The following PLCE1 variants were observed in gnomAD, a reference collection of about 807,000 sequenced individuals.
PLCE1 encodes 1-phosphatidylinositol 4,5-bisphosphate phosphodiesterase epsilon-1.
Under a neutral mutation model 242.8 loss-of-function variants are expected in PLCE1, and 119 were observed. The observed-to-expected ratio is 0.49, with a 90% CI of 0.42 to 0.57. The LOEUF (loss-of-function observed/expected upper bound fraction) is 0.57, where lower values mean the gene tolerates loss of function less well. PLCE1 is among the 20% of genes least tolerant of loss of function. The pLI, the probability that PLCE1 is intolerant of heterozygous loss-of-function variation, is 0.00. For missense variants in PLCE1, 2,441 were observed against 2,788.8 expected (o/e 0.88, Z 2.81); for synonymous variants, 945 against 1,017.4 (o/e 0.93, Z 1.35).
intron 1 of PLCE1, among the ~76,000 whole-genome samples, chr10:94,008,760 G>T (rs1216798599): frequency 6.6e-6 from 1 of 152,212 alleles, no homozygotes; most frequent in Non-Finnish European, 1.5e-5. Flanking sequence ...CAGCCAGGAG[G>T]TAACAAGCCA....
At chr10:94,309,492 A>G (rs2053314107) in intron 27 of PLCE1, among the ~76,000 whole-genome samples, 2 of 152,042 alleles carry the variant, frequency 1.3e-5, no homozygotes, top group South Asian at 4.2e-4. Context: ...CACTATGCCC[A>G]GATAATGTTT....
rs1216315721 is a variant in PLCE1 at position 94,325,007 on chromosome 10, A to G, written c.6836A>G (p.Glu2279Gly). 1 of 1,614,218 alleles carries G rather than the reference A, an allele frequency of 6.2e-7. No individual in the cohort carries two copies. Among genetic ancestry groups the G allele is most frequent in the South Asian group, 1.1e-5 (1 of 91,082 alleles). Residue 2279 changes from glutamate to glycine, a missense_variant, in exon 32 of 33, where the codon GAA becomes GGA. Coordinates refer to ENST00000371380, the MANE Select transcript of PLCE1 (RefSeq NM_016341.4). Reference protein sequence around the residue: ...LTSPSQLLTSESIQTKEEKPV... With the variant: ...LTSPSQLLTSGSIQTKEEKPV... ...TCACCTTCTCAGCTCTTGACCTCAG[A>G]AAGTATCCAAACCAAGGAGGAGAAA... is the stretch of plus-strand genomic sequence containing the variant.
chr10:94,313,373 T>A lies in PLCE1; in HGVS notation c.6123T>A (p.Leu2041=). 1.2e-6 allele frequency: 2 copies of A among 1,614,148 alleles called. No homozygotes were observed. Among genetic ancestry groups the A allele is most frequent in the Non-Finnish European group, 1.7e-6 (2 of 1,179,994 alleles). ...ATGGAGGCACCAAGGCAAAGCAGCT[T>A]CTGCAGCAAGTAAGTCCACTGAGCC... ...TINGGTKAKQ[L]LQQILTNEQD... Residue 2041 remains leucine (L), a synonymous_variant, in exon 28 of 33, where the codon CTT becomes CTA. Transcript: ENST00000371380.
intron 2 of PLCE1, chr10:94,107,713 T>C (rs773951812): frequency 6.6e-6 from 1 of 152,190 alleles, no homozygotes; most frequent in South Asian, 2.1e-4. Context: ...ACATTCACAT[T>C]GAGGTCAAGG....
chr10:94,107,683 A>T (rs998998936), intron 2 of PLCE1: 1 of 152,012 alleles, frequency 6.6e-6, no homozygotes, highest in Non-Finnish European at 1.5e-5. Flanking sequence ...AATTGGAGTT[A>T]GGATGCTTGG....
At chr10:94,137,011 T>C (rs879327626) in intron 3 of PLCE1, among the ~76,000 whole-genome samples, 1 of 152,122 alleles carries the variant, frequency 6.6e-6, no homozygotes, top group Non-Finnish European at 1.5e-5. Flanking sequence ...GCTAACATGG[T>C]GAAACCCCGT....
At chr10:94,161,343 G>C (rs1185592317) in intron 3 of PLCE1, among the ~76,000 whole-genome samples, 2 of 152,108 alleles carry the variant, frequency 1.3e-5, no homozygotes, top group Non-Finnish European at 1.5e-5. Flanking sequence ...ACTGAGCAGT[G>C]GTTTGTAGTG....
At position 94,262,552 on chromosome 10, in the gene PLCE1, A is replaced by G. The variant is rs748295092; in HGVS notation, c.3873A>G (p.Leu1291=). 13 of 1,614,028 alleles carry G rather than the reference A, an allele frequency of 8.1e-6. No homozygotes were observed. The African/African-American group carries it at 1.3e-4, about 17-fold the overall frequency. The change falls in exon 14 of 33, where the codon CTA becomes CTG. Residue 1291 remains leucine, a synonymous_variant. Transcript: ENST00000371380. ...LGLFIKSKQQ[L]SDNQRQISDA... ...TGTTCATTAAGAGTAAACAGCAGCT[A>G]TCGGACAACCAGAGGCAGATATCTG...
At chr10:94,171,812 C>T (rs1367550827) in intron 4 of PLCE1, among the ~76,000 whole-genome samples, 1 of 152,132 alleles carries the variant, frequency 6.6e-6, no homozygotes, top group Admixed American at 6.5e-5. Context: ...ACCAACCCCT[C>T]ATTCCCAAAG....
At chr10:94,054,684 A>G (rs998205125) in intron 2 of PLCE1, among the ~76,000 whole-genome samples, 4 of 152,214 alleles carry the variant, frequency 2.6e-5, no homozygotes, top group African/African-American at 9.6e-5. Flanking sequence ...GGACAGATAC[A>G]AAGTAATCAC....
intron 4 of PLCE1, among the ~76,000 whole-genome samples, chr10:94,189,304 AG>A (rs1320161757): frequency 1.1e-4 from 17 of 148,398 alleles, no homozygotes; most frequent in Admixed American, 2.7e-4. Flanking sequence ...TATAATATAT[AG>A]TACACATACA....
At chr10:94,321,719 C>T (rs1334044616) in intron 29 of PLCE1, among the ~76,000 whole-genome samples, 182 bp from the exon 30 acceptor site, 1 of 151,868 alleles carries the variant, frequency 6.6e-6, no homozygotes, top group Admixed American at 6.6e-5. Flanking sequence ...CAGTAGTTTC[C>T]TCCTCTCAGG....
chr10:94,223,916 A>T (rs1353288820), intron 4 of PLCE1, among the ~76,000 whole-genome samples: 1 of 152,188 alleles, frequency 6.6e-6, no homozygotes, highest in African/African-American at 2.4e-5. Flanking sequence ...AGTAAATGTG[A>T]CCACCTTTTA....
chr10:94,255,114 A>G, intron 11 of PLCE1, 65 bp downstream of exon 11: 1 of 1,541,464 alleles, frequency 6.5e-7, no homozygotes. Context: ...GGAAGGGCAT[A>G]TCTTTACAGT....
At chr10:94,106,698 T>C (rs373132921) in intron 2 of PLCE1, among the ~76,000 whole-genome samples, 44 of 152,290 alleles carry the variant, frequency 2.9e-4, no homozygotes, top group African/African-American at 1.0e-3. Context: ...GTCTTGCAGT[T>C]TGCCATGATT....
chr10:94,319,864 C>CTTTTTTTTT lies in PLCE1; in HGVS notation c.6343-2022_6343-2014dup, dbSNP rs58610099. ...GCTCTGAGGGAGGCTCAAAGGTGCT[C>CTTTTTTTTT]TTTTTTTTTTTTTTTTTTTTTTTGA... On this transcript the variant is annotated intron_variant, in intron 29 of 32. Transcript: ENST00000371380. Among the ~76,000 whole-genome samples the CTTTTTTTTT allele has an allele frequency of 9.4e-4, 87 of 92,926 alleles. 4 individuals are homozygous for CTTTTTTTTT. The highest frequency in any genetic ancestry group is 1.1e-3 in the Non-Finnish European group (52 of 46,370). The allele number at this position is 92,926 out of a possible 152,430, so 61.0% of individuals were successfully genotyped here.
intron 2 of PLCE1, among the ~76,000 whole-genome samples, chr10:94,070,592 A>T (rs2044322792): frequency 6.6e-6 from 1 of 152,156 alleles, no homozygotes; most frequent in South Asian, 2.1e-4. Flanking sequence ...TTGTTCAGTT[A>T]CTGGGTCAAT....
intron 1 of PLCE1, among the ~76,000 whole-genome samples, chr10:93,997,790 A>G (rs1429460713): frequency 6.6e-6 from 1 of 152,142 alleles, no homozygotes; most frequent in Non-Finnish European, 1.5e-5. Context: ...GTGCTTAGCA[A>G]TTGTTTAGCT....
chr10:94,220,376 TTATATATATA>T (rs59633337), intron 4 of PLCE1, among the ~76,000 whole-genome samples: 26,222 of 61,850 alleles, frequency 0.42, 4,623 homozygotes, highest in Admixed American at 0.49. Flanking sequence ...ACTAAACATT[TTATATATATA>T]TATATATATA....
Sources: gnomAD v4.1 joint callset for allele counts (sites outside exome capture counted in the v4.1 genomes callset) on GRCh38, gnomAD v4.1.1 for gene constraint, MANE v1.5 for transcripts, NCBI Gene and HGNC (gene_info 2026-07-23, HGNC 2026-07-21) for gene names.